ANKFN1: variants seen among roughly 807,000 people sequenced by gnomAD.
ANKFN1 encodes the protein ankyrin repeat and fibronectin type-III domain-containing protein 1.
A neutral mutation model predicts 108.7 loss-of-function variants in ANKFN1; 74 were observed. That is an observed-to-expected ratio of 0.68 (90% CI 0.56 to 0.83). ANKFN1 has a LOEUF of 0.83. Among genes scored for constraint, ANKFN1 ranks in the 40% least tolerant of loss-of-function variants. The pLI, the probability that ANKFN1 is intolerant of heterozygous loss-of-function variation, is 0.00. For missense variants in ANKFN1, 1,505 were observed against 1,382.3 expected (o/e 1.09, Z -1.41); for synonymous variants, 547 against 516.2 (o/e 1.06, Z -0.81).
intron 20 of ANKFN1, among the ~76,000 whole-genome samples, chr17:56,506,719 G>A (rs1285655372): frequency 6.6e-6 from 1 of 151,690 alleles, no homozygotes; most frequent in African/African-American, 2.4e-5. Flanking sequence ...TTAACTCTGT[G>A]TACCACAAAA....
intron 8 of ANKFN1, among the ~76,000 whole-genome samples, chr17:56,400,941 C>A (rs193149485): frequency 6.6e-6 from 1 of 152,064 alleles, no homozygotes; most frequent in East Asian, 1.9e-4. Context: ...GTTCCATTGG[C>A]CTATGTACCT....
At chr17:56,057,471 C>T (rs1328844676) in intron 4 of ANKFN1, among the ~76,000 whole-genome samples, 1 of 152,110 alleles carries the variant, frequency 6.6e-6, no homozygotes, top group Admixed American at 6.6e-5. Context: ...CAGCGATAGA[C>T]TTAAGTATAT....
chr17:56,369,012 G>A (rs2046739437), intron 6 of ANKFN1, among the ~76,000 whole-genome samples: 1 of 152,192 alleles, frequency 6.6e-6, no homozygotes. Flanking sequence ...TCTAATGCAT[G>A]TATTCGGGTT....
chr17:56,411,921 T>G (rs2048102841), intron 8 of ANKFN1, among the ~76,000 whole-genome samples: 1 of 152,228 alleles, frequency 6.6e-6, no homozygotes, highest in Admixed American at 6.5e-5. Flanking sequence ...TGCATCTATA[T>G]TCATCAGGGA....
intron 3 of ANKFN1, among the ~76,000 whole-genome samples, chr17:56,309,241 A>G (rs896019428): frequency 5.9e-5 from 9 of 152,186 alleles, no homozygotes; most frequent in Non-Finnish European, 5.9e-5. Context: ...TGGTTAAAAG[A>G]CAGTTAAAAT....
chr17:56,273,512 G>C (rs973374726), intron 3 of ANKFN1, among the ~76,000 whole-genome samples: 31 of 152,122 alleles, frequency 2.0e-4, no homozygotes, highest in Non-Finnish European at 2.6e-4. Flanking sequence ...ATATTGTCAA[G>C]TAGATTCCAG....
Position 56,140,573 on chromosome 17 carries a change from G to A in ANKFN1, c.289-87344G>A, listed in dbSNP as rs528254697. 5.9e-5 allele frequency among the ~76,000 whole-genome samples: 9 copies of A among 152,104 alleles called. No homozygotes were observed. The South Asian group carries it at 1.7e-3, about 28-fold the overall frequency. On this transcript the variant is annotated intron_variant, in intron 4 of 12. Transcript: ENST00000635860. ...TCCCTTCCATGATGTTTTGAATCCC[G>A]ACTCTGCCACCTAGTAGCTGGATGA...
intron 6 of ANKFN1, among the ~76,000 whole-genome samples, chr17:56,354,732 T>C (rs886342626): frequency 6.6e-6 from 1 of 152,204 alleles, no homozygotes; most frequent in African/African-American, 2.4e-5. Context: ...TCTGCTTCTA[T>C]GATATCAACT....
intron 8 of ANKFN1, among the ~76,000 whole-genome samples, chr17:56,418,027 T>G: frequency 6.6e-6 from 1 of 152,212 alleles, no homozygotes; most frequent in East Asian, 1.9e-4. Context: ...CAACTTTTAT[T>G]TGAGGAGTCT....
At chr17:56,096,395 A>C (rs1905535244) in intron 4 of ANKFN1, among the ~76,000 whole-genome samples, 1 of 152,194 alleles carries the variant, frequency 6.6e-6, no homozygotes, top group Admixed American at 6.5e-5. Flanking sequence ...ATGAAATTTG[A>C]ATTAAAGTCT....
At chr17:56,425,601 G>A (rs932225509) in intron 8 of ANKFN1, among the ~76,000 whole-genome samples, 3 of 151,934 alleles carry the variant, frequency 2.0e-5, no homozygotes, top group Non-Finnish European at 4.4e-5. Flanking sequence ...CCTGTTCCTT[G>A]TAATTGCCTT....
At chr17:56,330,134 T>C (rs1235856501) in intron 4 of ANKFN1, among the ~76,000 whole-genome samples, 4 of 149,582 alleles carry the variant, frequency 2.7e-5, no homozygotes, top group Non-Finnish European at 6.0e-5. Context: ...ATTAGTCTGT[T>C]CTCACACTGC....
chr17:56,198,122 CA>C (rs1288501803), intron 1 of ANKFN1, among the ~76,000 whole-genome samples: 1 of 152,178 alleles, frequency 6.6e-6, no homozygotes, highest in African/African-American at 2.4e-5. Flanking sequence ...AGGATGATTA[CA>C]GTGGAACTTA....
At chr17:56,194,401 A>G (rs1041175048) in intron 1 of ANKFN1, among the ~76,000 whole-genome samples, 3 of 152,216 alleles carry the variant, frequency 2.0e-5, no homozygotes, top group Admixed American at 1.3e-4. Context: ...ACTGTGGTAC[A>G]TCAGGCAATG....
chr17:56,339,656 A>T (rs1032449897), intron 4 of ANKFN1, among the ~76,000 whole-genome samples: 2 of 152,154 alleles, frequency 1.3e-5, no homozygotes, highest in African/African-American at 4.8e-5. Flanking sequence ...TTATAGCTGC[A>T]TAGTATTCCA....
At chr17:56,314,749 A>G (rs1179780932) in intron 3 of ANKFN1, among the ~76,000 whole-genome samples, 1 of 152,134 alleles carries the variant, frequency 6.6e-6, no homozygotes, top group Non-Finnish European at 1.5e-5. Flanking sequence ...TTTTCCTACA[A>G]TGGTTCTCAA....
upstream of ANKFN1, among the ~76,000 whole-genome samples, chr17:56,150,571 T>C (rs1156970054): frequency 6.6e-6 from 1 of 152,218 alleles, no homozygotes; most frequent in Non-Finnish European, 1.5e-5. Context: ...CCACAAGTTA[T>C]AAATGCACTT....
chr17:56,376,795 A>G (rs2046960009), intron 8 of ANKFN1, among the ~76,000 whole-genome samples: 1 of 152,204 alleles, frequency 6.6e-6, no homozygotes, highest in African/African-American at 2.4e-5. Flanking sequence ...CATTATAAAT[A>G]GAATTGTCTG....
chr17:56,367,979 G>A (rs2046704102), intron 6 of ANKFN1: 1 of 227,306 alleles, frequency 4.4e-6, no homozygotes, highest in Admixed American at 6.0e-5. Context: ...AGGTTTAGAT[G>A]AAGATCATGA....
Sources: allele counts gnomAD v4.1 joint callset (sites outside exome capture counted in the v4.1 genomes callset), GRCh38; gene constraint gnomAD v4.1.1; transcripts MANE v1.5; gene names NCBI Gene and HGNC (gene_info 2026-07-23, HGNC 2026-07-21).